Variants in DCC observed in about 807,000 individuals in gnomAD.
The protein encoded by DCC is DCC netrin 1 receptor.
A neutral mutation model predicts 172.5 loss-of-function variants in DCC; 58 were observed. The observed-to-expected ratio is 0.34, with a 90% CI of 0.27 to 0.42. The LOEUF is 0.42. Among genes scored for constraint, DCC ranks in the 10% least tolerant of loss-of-function variants. The pLI is 1.00. For synonymous variants in DCC, 709 were observed against 644.5 expected (o/e 1.10, Z -1.52); for missense variants, 1,740 against 1,791.0 (o/e 0.97, Z 0.51).
At chr18:52,936,877 C>T (rs2145513934) in intron 5 of DCC, among the ~76,000 whole-genome samples, 1 of 152,258 alleles carries the variant, frequency 6.6e-6, no homozygotes, top group East Asian at 1.9e-4. Flanking sequence ...TTTTCAAAGA[C>T]TAGGGAGCAA....
intron 22 of DCC, among the ~76,000 whole-genome samples, chr18:53,440,966 G>C (rs920743081): frequency 6.6e-6 from 1 of 152,224 alleles, no homozygotes; most frequent in African/African-American, 2.4e-5. Flanking sequence ...TGTAAGATTG[G>C]ATTTTTCTTT....
At chr18:52,992,047 C>T (rs978758001) in intron 5 of DCC, among the ~76,000 whole-genome samples, 4 of 152,166 alleles carry the variant, frequency 2.6e-5, no homozygotes, top group African/African-American at 9.7e-5. Context: ...TTAATACAAC[C>T]TCATGAGGTG....
chr18:53,175,465 C>A (rs1392903320), intron 8 of DCC, among the ~76,000 whole-genome samples: 1 of 151,860 alleles, frequency 6.6e-6, no homozygotes, highest in African/African-American at 2.4e-5. Context: ...AGCTGATAAG[C>A]AACTTCAGCA....
rs961203929 is a variant in DCC at position 53,534,225 on chromosome 18, C to A, written c.*3572C>A. ...TTAGATAAAATTGTGTCCCAGAATTCTTATGGTTTCGGAATGTACATTTCT... is the reference window on the plus strand; with the variant it reads ...TTAGATAAAATTGTGTCCCAGAATTATTATGGTTTCGGAATGTACATTTCT... On this transcript the variant is annotated 3_prime_UTR_variant, in exon 29 of 29. Transcript: ENST00000442544. 2 of 152,106 alleles carry A rather than the reference C, an allele frequency of 1.3e-5. No homozygotes were observed. Among genetic ancestry groups the A allele is most frequent in the African/African-American group, 4.8e-5 (2 of 41,412 alleles). 9.4% of individuals were successfully genotyped at this position (152,106 alleles called of 1,614,324 possible).
intron 7 of DCC, among the ~76,000 whole-genome samples, chr18:53,099,943 CT>C (rs533618559): frequency 1.1e-3 from 102 of 92,744 alleles, no homozygotes; most frequent in South Asian, 8.8e-3. Flanking sequence ...TTCTTTCTTT[CT>C]TTTTTTTTTT....
chr18:53,446,124 A>AAAAAAAAAAAAAAAAAAAAC lies in DCC; in HGVS notation c.3230-4376_3230-4375insAAAAAAAAAAAAAAAAAAAC, dbSNP rs369426007. On this transcript the variant is annotated intron_variant, in intron 22 of 28. Transcript: ENST00000442544. ...AAAAAAAAAAAAAAAACAAAAAAAA[A>AAAAAAAAAAAAAAAAAAAAC]CACTTAAAAATTTTCCAGGGATGGT... Among the ~76,000 whole-genome samples, 51 of 117,268 alleles carry AAAAAAAAAAAAAAAAAAAAC rather than the reference A, an allele frequency of 4.3e-4. 7 individuals carry two copies. Among genetic ancestry groups the AAAAAAAAAAAAAAAAAAAAC allele is most frequent in the Non-Finnish European group, 7.2e-4 (39 of 54,380 alleles). The allele number at this position is 117,268 out of a possible 152,430, so 76.9% of individuals were successfully genotyped here. A position where few individuals can be genotyped will look rare whatever the true frequency, so the allele number is the denominator to read the frequency against.
chr18:53,206,914 G>T (rs2055660048), intron 10 of DCC, among the ~76,000 whole-genome samples: 1 of 151,792 alleles, frequency 6.6e-6, no homozygotes, highest in Admixed American at 6.6e-5. Flanking sequence ...AATAGCTCAA[G>T]CCCAGTCCCA....
chr18:53,357,312 T>A (rs1230900182), intron 15 of DCC, among the ~76,000 whole-genome samples: 2 of 152,192 alleles, frequency 1.3e-5, no homozygotes, highest in Non-Finnish European at 2.9e-5. Flanking sequence ...TTTTATCCTG[T>A]GGAGAAATGA....
intron 1 of DCC, among the ~76,000 whole-genome samples, chr18:52,506,588 C>T (rs2031238663): frequency 6.6e-6 from 1 of 152,006 alleles, no homozygotes; most frequent in Admixed American, 6.6e-5. Context: ...AAGGTATTTG[C>T]CTATGTTACT....
chr18:53,095,821 G>A (rs58057204), intron 7 of DCC, among the ~76,000 whole-genome samples: 31,285 of 139,746 alleles, frequency 0.22, 4,873 homozygotes, highest in African/African-American at 0.4. Context: ...GAGGGTATGG[G>A]GTTTTTTTCA....
At chr18:52,934,790 ACT>A (rs2145509764) in intron 5 of DCC, 1 of 152,084 alleles carries the variant, frequency 6.6e-6, no homozygotes, top group African/African-American at 2.4e-5. Flanking sequence ...TTACTGGAGC[ACT>A]CTCTCCACCC....
At chr18:52,791,477 TTTTTTG>T (rs960794519) in intron 2 of DCC, among the ~76,000 whole-genome samples, 14 of 139,382 alleles carry the variant, frequency 1.0e-4, no homozygotes, top group African/African-American at 3.3e-4. Context: ...GTTTTGTTTT[TTTTTTG>T]TTTTTTTCCT....
chr18:52,907,188 A>ATT (rs973497101), intron 3 of DCC, among the ~76,000 whole-genome samples: 2 of 148,512 alleles, frequency 1.3e-5, no homozygotes, highest in Non-Finnish European at 3.0e-5. Context: ...CATGATATGT[A>ATT]TTATATATAT....
chr18:53,118,446 G>T (rs1008711421), intron 7 of DCC, among the ~76,000 whole-genome samples: 4 of 151,686 alleles, frequency 2.6e-5, no homozygotes, highest in African/African-American at 9.7e-5. Context: ...TGGCTTTTAC[G>T]AAATTTTAGA....
chr18:53,086,944 T>C (rs1599116716), intron 7 of DCC, among the ~76,000 whole-genome samples: 1 of 151,830 alleles, frequency 6.6e-6, no homozygotes, highest in Non-Finnish European at 1.5e-5. Flanking sequence ...TCATTTTTTA[T>C]GGGGGCATAG....
chr18:52,521,034 C>T (rs920531814), intron 1 of DCC, among the ~76,000 whole-genome samples: 16 of 151,954 alleles, frequency 1.1e-4, no homozygotes, highest in African/African-American at 3.6e-4. Flanking sequence ...CAAAAATATA[C>T]ATGGTGGTAT....
chr18:52,669,765 G>A (rs2035518341), intron 1 of DCC, among the ~76,000 whole-genome samples: 1 of 152,114 alleles, frequency 6.6e-6, no homozygotes, highest in African/African-American at 2.4e-5. Flanking sequence ...CACCTCCATG[G>A]GGGTTACTGT....
intron 2 of DCC, among the ~76,000 whole-genome samples, chr18:52,800,784 C>G (rs555812225): frequency 6.6e-6 from 1 of 152,218 alleles, no homozygotes; most frequent in Non-Finnish European, 1.5e-5. Flanking sequence ...TCTTTTTTCT[C>G]CCTGATGTAT....
At chr18:53,073,600 TA>T (rs1010897590) in intron 7 of DCC, among the ~76,000 whole-genome samples, 5 of 151,692 alleles carry the variant, frequency 3.3e-5, no homozygotes, top group Admixed American at 6.6e-5. Flanking sequence ...TAACATTGGT[TA>T]AAAAAAATAG....
Sources: gnomAD v4.1 joint callset for allele counts (sites outside exome capture counted in the v4.1 genomes callset) on GRCh38, gnomAD v4.1.1 for gene constraint, MANE v1.5 for transcripts, NCBI Gene and HGNC (gene_info 2026-07-23, HGNC 2026-07-21) for gene names.